Variants in RGS8 observed in about 807,000 individuals in gnomAD.
RGS8 encodes the protein regulator of G protein signaling 8.
Under a neutral mutation model 21.7 loss-of-function variants are expected in RGS8, and 8 were observed. The ratio of observed to expected loss-of-function variants is 0.37; its 90% CI spans 0.22 to 0.66. RGS8 has a LOEUF of 0.66. Among genes scored for constraint, RGS8 ranks in the 30% least tolerant of loss-of-function variants. The pLI is 0.59. For synonymous variants in RGS8, 80 were observed against 83.6 expected, an observed-to-expected ratio of 0.96 and a Z score of 0.24; for missense variants, 157 against 217.9, an observed-to-expected ratio of 0.72 and a Z score of 1.76.
intron 5 of RGS8, among the ~76,000 whole-genome samples, chr1:182,652,799 G>A (rs777316163): frequency 3.3e-5 from 5 of 152,192 alleles, no homozygotes; most frequent in Non-Finnish European, 7.3e-5. Flanking sequence ...GCCCTGAGGA[G>A]GGAAGGGAAG....
chr1:182,701,715 C>T, the RGS8 span, among the ~76,000 whole-genome samples: 2 of 152,270 alleles, frequency 1.3e-5, no homozygotes, highest in South Asian at 4.2e-4. Context: ...CAAAGGAATC[C>T]TTCTTAGTGG....
At chr1:182,660,002 CAA>C (rs1235428369) in intron 5 of RGS8, among the ~76,000 whole-genome samples, 1 of 152,202 alleles carries the variant, frequency 6.6e-6, no homozygotes, top group Non-Finnish European at 1.5e-5. Flanking sequence ...CTCCAATCCA[CAA>C]ACTCAAGCTG....
At chr1:182,664,303 A>G (rs184952155) in intron 5 of RGS8, among the ~76,000 whole-genome samples, 10 of 152,260 alleles carry the variant, frequency 6.6e-5, no homozygotes, top group Non-Finnish European at 1.0e-4. Flanking sequence ...AACCCACCAT[A>G]TCCTTACAAA....
the RGS8 span, among the ~76,000 whole-genome samples, chr1:182,710,005 G>A: frequency 3.3e-5 from 5 of 152,084 alleles, no homozygotes; most frequent in Admixed American, 3.3e-4. Flanking sequence ...TTCCATCCTT[G>A]TTTCACTAAG....
At chr1:182,669,823 C>G (rs572029251) in intron 2 of RGS8, 71 bp from the exon 4 acceptor site, 2 of 1,442,390 alleles carry the variant, frequency 1.4e-6, no homozygotes, top group East Asian at 5.1e-5. Context: ...TCCTCTCAGA[C>G]GGGTTTCCGC....
At chr1:182,735,531 G>A in the RGS8 span, among the ~76,000 whole-genome samples, 1 of 152,152 alleles carries the variant, frequency 6.6e-6, no homozygotes, top group African/African-American at 2.4e-5. Context: ...GGGTGGGACA[G>A]AAGGAAGCAG....
the RGS8 span, among the ~76,000 whole-genome samples, chr1:182,739,445 G>A: frequency 7.9e-5 from 12 of 152,128 alleles, no homozygotes; most frequent in African/African-American, 2.9e-4. Flanking sequence ...TCTTTCAATG[G>A]GGTTTTTAAA....
At chr1:182,647,647 G>A (rs1654230637) in intron 6 of RGS8, among the ~76,000 whole-genome samples, 1 of 152,172 alleles carries the variant, frequency 6.6e-6, no homozygotes, top group Non-Finnish European at 1.5e-5. Context: ...TTAATGAGCA[G>A]TGGCAAATAC....
intron 4 of RGS8, 106 bp from the exon 6 acceptor site, chr1:182,666,139 G>A (rs1663847616): frequency 1.1e-6 from 1 of 893,750 alleles, no homozygotes; most frequent in Admixed American, 1.9e-5. Flanking sequence ...ATGTGGGGAA[G>A]GGTGCAGGGA....
the RGS8 span, among the ~76,000 whole-genome samples, chr1:182,716,476 T>G: frequency 7.5e-6 from 1 of 132,488 alleles, no homozygotes; most frequent in East Asian, 1.9e-4. Flanking sequence ...TTTTTATTGT[T>G]TTTTTTTTCT....
chr1:182,746,643 C>T, the RGS8 span, among the ~76,000 whole-genome samples: 1 of 147,768 alleles, frequency 6.8e-6, no homozygotes, highest in East Asian at 2.0e-4. Context: ...TAGAGTAAGA[C>T]TCTGTCAAAA....
the RGS8 span, among the ~76,000 whole-genome samples, chr1:182,749,984 G>T: frequency 9.2e-5 from 14 of 152,242 alleles, no homozygotes; most frequent in African/African-American, 3.4e-4. Flanking sequence ...ATCTAAAAAT[G>T]GGGCTTTTAA....
At chr1:182,682,258 T>C (rs535093376) in intron 1 of RGS8, among the ~76,000 whole-genome samples, 20 of 152,288 alleles carry the variant, frequency 1.3e-4, no homozygotes, top group African/African-American at 4.8e-4. Flanking sequence ...GAGCTGGGAT[T>C]GAGAAAGGAA....
At chr1:182,685,203 C>A (rs1208699247), upstream of RGS8, among the ~76,000 whole-genome samples, 1 of 152,202 alleles carries the variant, frequency 6.6e-6, no homozygotes, top group Non-Finnish European at 1.5e-5. Flanking sequence ...ACCTGCCCAT[C>A]CTGTGGCCAG....
rs751078612 is a variant in RGS8, at chr1:182,666,953, C to G, written c.47G>C (p.Arg16Pro). Residue 16 changes from arginine to proline, a missense_variant, in exon 4 of 7, where the codon CGA (arginine) becomes CCA (proline). Arg to Pro is a moderately radical substitution (Grantham distance 103, BLOSUM62 -2). Transcript: ENST00000483095. ...TGACTTGTGAGACAGGCATCCCAGT[C>G]GAGTCCTCATCCCTTTGTTCCTGCA... The G allele has an allele frequency of 1.9e-6, 3 of 1,613,970 alleles. No homozygotes were observed. In the Admixed American group the frequency reaches 5.0e-5, roughly 27 times the overall value.
At chr1:182,683,073 T>C (rs1664588955) in intron 1 of RGS8, among the ~76,000 whole-genome samples, 1 of 152,232 alleles carries the variant, frequency 6.6e-6, no homozygotes, top group Non-Finnish European at 1.5e-5. Flanking sequence ...AAGGATGTGA[T>C]ACCCAAGGGA....
chr1:182,644,920 C>T (rs150740963), downstream of RGS8: 3 of 152,288 alleles, frequency 2.0e-5, no homozygotes, highest in East Asian at 3.9e-4. Context: ...TTTTCGGTGT[C>T]TGTGAGGGCT....
At chr1:182,652,399 G>T (rs1232866937) in intron 5 of RGS8, among the ~76,000 whole-genome samples, 2 of 152,212 alleles carry the variant, frequency 1.3e-5, no homozygotes, top group Non-Finnish European at 2.9e-5. Flanking sequence ...TTGGGTCTTT[G>T]TGCGGATGAG....
At chr1:182,706,586 C>T in the RGS8 span, among the ~76,000 whole-genome samples, 1 of 152,102 alleles carries the variant, frequency 6.6e-6, no homozygotes, top group African/African-American at 2.4e-5. Context: ...CGTGCCTTAG[C>T]CTCCCAAGTA....
Sources: gnomAD v4.1 joint callset for allele counts (sites outside exome capture counted in the v4.1 genomes callset) on GRCh38, gnomAD v4.1.1 for gene constraint, MANE v1.5 for transcripts, NCBI Gene and HGNC (gene_info 2026-07-23, HGNC 2026-07-21) for gene names.